Variants in PCDHA11 observed in about 807,000 individuals in gnomAD.
The protein encoded by PCDHA11 is protocadherin alpha 11.
In PCDHA11, 61 loss-of-function variants were observed where a neutral mutation model predicts 70.3. The observed-to-expected ratio is 0.87, with a 90% confidence interval of 0.71 to 1.07. The LOEUF (loss-of-function observed/expected upper bound fraction) is 1.07. PCDHA11 is among the 50% of genes least tolerant of loss of function. The probability of loss-of-function intolerance (pLI) is 0.00; values close to 1 mark genes in which losing one functional copy is unlikely to be tolerated. For missense variants in PCDHA11, 1,324 were observed against 1,237.5 expected, an observed-to-expected ratio of 1.07 and a Z score of -1.05; for synonymous variants, 633 against 555.1, an observed-to-expected ratio of 1.14 and a Z score of -1.97.
chr5:140,954,845 C>T (rs1479368081), intron 1 of PCDHA11, among the ~76,000 whole-genome samples: 2 of 152,140 alleles, frequency 1.3e-5, no homozygotes, highest in African/African-American at 4.8e-5. Context: ...AAATCTTTGC[C>T]TGTGCCTATG....
chr5:140,966,501 C>A (rs993120522), intron 1 of PCDHA11: 8 of 436,558 alleles, frequency 1.8e-5, no homozygotes, highest in Admixed American at 8.7e-5. Flanking sequence ...GGAGCTGTAG[C>A]GGCAGCAGCA....
intron 1 of PCDHA11, chr5:140,927,277 GTGCAGC>G: frequency 6.2e-7 from 1 of 1,614,016 alleles, no homozygotes; most frequent in Non-Finnish European, 8.5e-7. Flanking sequence ...TGCCGGCGAC[GTGCAGC>G]TGCACATCCC....
At chr5:140,991,691 A>G (rs2153897191) in intron 3 of PCDHA11, among the ~76,000 whole-genome samples, 1 of 152,286 alleles carries the variant, frequency 6.6e-6, no homozygotes, top group Middle Eastern at 3.4e-3. Flanking sequence ...TCTCTAGTAG[A>G]GCCATTAATA....
chr5:140,871,625 A>C (rs1360108001), intron 1 of PCDHA11, 131 bp downstream of exon 1: 1 of 1,403,018 alleles, frequency 7.1e-7, no homozygotes, highest in Non-Finnish European at 9.4e-7. Context: ...TTAGATAACA[A>C]TGTCTGTTCA....
chr5:140,870,201 G>C lies in PCDHA11; in HGVS notation c.1098G>C (p.Thr366=), dbSNP rs370139733. 2.5e-4 allele frequency: 410 copies of C among 1,614,022 alleles called. 1 individual carries two copies. Among genetic ancestry groups the C allele is most frequent in the Non-Finnish European group, 5.8e-5 (69 of 1,180,034 alleles). ...LPVREDAQPS[T]VIALISVSDR... ...TACGAGAGGACGCTCAGCCCAGCAC[G>C]GTCATTGCCCTGATCAGCGTGTCTG... Residue 366 remains threonine (T), a synonymous_variant, in exon 1 of 4, where the codon ACG becomes ACC. Coordinates refer to ENST00000398640, the MANE Select transcript of PCDHA11 (RefSeq NM_018902.5).
intron 3 of PCDHA11, among the ~76,000 whole-genome samples, chr5:140,997,321 T>C (rs964967011): frequency 1.3e-5 from 2 of 152,174 alleles, no homozygotes; most frequent in Non-Finnish European, 2.9e-5. Flanking sequence ...CTTTAGGCAG[T>C]TTTTTCGTTG....
At chr5:140,969,045 C>A (rs782611179) in intron 1 of PCDHA11, 1 of 1,614,090 alleles carries the variant, frequency 6.2e-7, no homozygotes, top group Admixed American at 1.7e-5. Context: ...TACAAACAAG[C>A]CAACAACAAT....
intron 1 of PCDHA11, chr5:140,883,026 A>C (rs1562783010): frequency 6.2e-7 from 1 of 1,614,190 alleles, no homozygotes; most frequent in Non-Finnish European, 8.5e-7. Context: ...ACGGTGTTAG[A>C]GAACGCCTTC....
intron 1 of PCDHA11, among the ~76,000 whole-genome samples, chr5:140,874,557 G>A (rs782715249): frequency 9.9e-5 from 15 of 152,144 alleles, no homozygotes; most frequent in Non-Finnish European, 1.6e-4. Flanking sequence ...GAGATCTTTC[G>A]CATTTTAGTG....
At chr5:140,964,107 G>A (rs1298844061) in intron 1 of PCDHA11, among the ~76,000 whole-genome samples, 1 of 152,090 alleles carries the variant, frequency 6.6e-6, no homozygotes, top group Non-Finnish European at 1.5e-5. Flanking sequence ...AACAGTCTGA[G>A]CAATCACATT....
rs1296767379 is a variant in PCDHA11 at position 140,898,372 on chromosome 5, T to C, written c.2391+26878T>C. ...ATCTTGAATTAATTTTTGTATAAGG[T>C]GTAAGGAAGGGATCCAGTTTCAGCT... On this transcript the variant is annotated intron_variant, in intron 1 of 3. Coordinates refer to ENST00000398640, the MANE Select transcript of PCDHA11 (RefSeq NM_018902.5). Among the ~76,000 whole-genome samples, 5 of 152,320 alleles carry C rather than the reference T, an allele frequency of 3.3e-5. No individual in the cohort carries two copies. In the East Asian group the frequency reaches 9.6e-4, roughly 29 times the overall value.
In PCDHA11 at chr5:140,869,320, G is replaced by A; in HGVS notation, c.217G>A (p.Asp73Asn). 1 of 1,613,846 alleles carries A rather than the reference G, an allele frequency of 6.2e-7. No homozygotes were observed. The highest frequency in any genetic ancestry group is 8.5e-7 in the Non-Finnish European group (1 of 1,180,012). The change falls in exon 1 of 4, where the codon GAC (aspartate) becomes AAC (asparagine). Residue 73 changes from aspartate to asparagine, a missense_variant. By Grantham distance (23) the Asp-to-Asn change is conservative (BLOSUM62 1). Transcript: ENST00000398640. ...CCGGGTGGCGTCCAAAACACATGGG[G>A]ACCTTCTGGAGGTAAATCTGCAGAA... The part of the protein sequence containing the change: ...LFRVASKTHG[D>N]LLEVNLQNGI...
intron 3 of PCDHA11, among the ~76,000 whole-genome samples, chr5:141,000,895 T>C (rs896500322): frequency 5.3e-5 from 8 of 152,072 alleles, no homozygotes; most frequent in Non-Finnish European, 1.2e-4. Context: ...GCAACAGATA[T>C]AGACGCTGTC....
At chr5:140,938,278 G>A (rs1394435028) in intron 1 of PCDHA11, among the ~76,000 whole-genome samples, 1 of 152,090 alleles carries the variant, frequency 6.6e-6, no homozygotes, top group African/African-American at 2.4e-5. Context: ...TAGTTTTCTT[G>A]CTTTCTGTCA....
intron 1 of PCDHA11, among the ~76,000 whole-genome samples, chr5:140,873,979 T>C (rs1210499789): frequency 6.6e-6 from 1 of 152,156 alleles, no homozygotes; most frequent in Non-Finnish European, 1.5e-5. Context: ...AAAATTAAAG[T>C]TCCTTAGCAT....
chr5:140,902,413 C>T (rs2069433988), intron 1 of PCDHA11, among the ~76,000 whole-genome samples: 1 of 152,014 alleles, frequency 6.6e-6, no homozygotes, highest in African/African-American at 2.4e-5. Context: ...TGTTGAATAA[C>T]AGTGGTGAAA....
chr5:140,929,291 A>G (rs782335969), intron 1 of PCDHA11: 19 of 1,596,972 alleles, frequency 1.2e-5, no homozygotes, highest in Non-Finnish European at 1.6e-5. Flanking sequence ...CAGATTCGGA[A>G]TAGGAAAGGG....
intron 1 of PCDHA11, chr5:140,877,117 G>C: frequency 6.2e-7 from 1 of 1,613,720 alleles, no homozygotes; most frequent in Non-Finnish European, 8.5e-7. Flanking sequence ...GGGCAGCAAC[G>C]TGACGCTGCA....
At chr5:140,945,481 C>T (rs269552) in intron 1 of PCDHA11, among the ~76,000 whole-genome samples, 33,891 of 151,742 alleles carry the variant, frequency 0.22, 4,873 homozygotes, top group African/African-American at 0.41. Flanking sequence ...ACAAAACACC[C>T]CAAATACCCA....
Sources: gnomAD v4.1 joint callset for allele counts (sites outside exome capture counted in the v4.1 genomes callset) on GRCh38, gnomAD v4.1.1 for gene constraint, MANE v1.5 for transcripts, NCBI Gene and HGNC (gene_info 2026-07-23, HGNC 2026-07-21) for gene names.